GRK4: variants seen among roughly 807,000 people sequenced by gnomAD.
GRK4 encodes the protein G protein-coupled receptor kinase 2-like.
Under a neutral mutation model 77.9 loss-of-function variants are expected in GRK4, and 73 were observed. That is an observed-to-expected ratio of 0.94 (90% CI 0.78 to 1.14). The LOEUF (loss-of-function observed/expected upper bound fraction) is 1.14. GRK4 is among the 50% of genes most tolerant of loss of function. The pLI is 0.00. For missense variants in GRK4, 729 were observed against 700.2 expected (o/e 1.04, Z -0.46); for synonymous variants, 257 against 254.4 (o/e 1.01, Z -0.10).
At chr4:3,012,867 G>A (rs1025932727) in intron 7 of GRK4, among the ~76,000 whole-genome samples, 25 of 152,016 alleles carry the variant, frequency 1.6e-4, no homozygotes, top group African/African-American at 5.3e-4. Flanking sequence ...TAGGCCAGGC[G>A]CGGTGGCTCA....
chr4:3,028,455 C>T (rs962906007), intron 11 of GRK4, among the ~76,000 whole-genome samples: 1 of 152,172 alleles, frequency 6.6e-6, no homozygotes, highest in Non-Finnish European at 1.5e-5. Flanking sequence ...TGGCTTTCCG[C>T]TCTTGCGTCT....
At chr4:2,978,512 G>T (rs1351861519) in intron 1 of GRK4, among the ~76,000 whole-genome samples, 2 of 152,188 alleles carry the variant, frequency 1.3e-5, no homozygotes, top group Non-Finnish European at 2.9e-5. Context: ...GACAGGGAGA[G>T]GTTCACATAA....
intron 2 of GRK4, chr4:2,987,165 C>G (rs754952256): frequency 3.9e-6 from 2 of 517,326 alleles, no homozygotes; most frequent in African/African-American, 3.9e-5. Context: ...CACTTTCTGT[C>G]TATGTCTTTG....
At chr4:3,036,281 T>G (rs1050848915) in intron 13 of GRK4, among the ~76,000 whole-genome samples, 1 of 152,216 alleles carries the variant, frequency 6.6e-6, no homozygotes, top group Admixed American at 6.5e-5. Flanking sequence ...GACCCTGAAG[T>G]GGTCACTGTG....
At chr4:2,964,961 A>G (rs542069103) in intron 1 of GRK4, among the ~76,000 whole-genome samples, 15 of 151,854 alleles carry the variant, frequency 9.9e-5, no homozygotes, top group Non-Finnish European at 2.1e-4. Context: ...AAAAAAGAGG[A>G]CAAATATCTG....
intron 1 of GRK4, chr4:2,966,392 A>G (rs1717710101): frequency 6.6e-6 from 1 of 151,974 alleles, no homozygotes; most frequent in Admixed American, 6.6e-5. Context: ...AGCCTGGGTG[A>G]CAGAGCGAGA....
chr4:3,038,829 C>T (rs750450980), intron 15 of GRK4: 96 of 232,042 alleles, frequency 4.1e-4, no homozygotes, highest in Non-Finnish European at 6.4e-4. Flanking sequence ...GTGGAACCTT[C>T]GTCAGATGGC....
At chr4:3,017,993 A>C (rs896014311) in intron 8 of GRK4, among the ~76,000 whole-genome samples, 1 of 152,180 alleles carries the variant, frequency 6.6e-6, no homozygotes, top group Non-Finnish European at 1.5e-5. Context: ...TAAAGGAAAA[A>C]GTGAAAGGGA....
chr4:3,021,707 A>G (rs1736139077), intron 9 of GRK4, among the ~76,000 whole-genome samples: 3 of 152,190 alleles, frequency 2.0e-5, no homozygotes, highest in Admixed American at 2.0e-4. Context: ...GAACACACCC[A>G]TAGGAGATTT....
rs1231355641 is a variant in GRK4 at position 3,027,993 on chromosome 4, G to A, written c.1052G>A (p.Gly351Asp). 9 of 1,614,092 alleles carry A rather than the reference G, an allele frequency of 5.6e-6. No homozygotes were observed. The highest frequency in any genetic ancestry group is 1.7e-5 in the Admixed American group (1 of 60,016). Residue 351 changes from glycine (G) to aspartate (D), a missense_variant, in exon 11 of 16, where the codon GGC becomes GAC. By Grantham distance (94) the Gly-to-Asp change is moderately conservative. Coordinates refer to ENST00000398052, the MANE Select transcript of GRK4 (RefSeq NM_182982.3). ...GTTCGAGGAAGAGTTGGAACAGTCG[G>A]CTACATGGGTTCGTGAGAGGCTTTC... Reference protein sequence around the residue: ...QRVRGRVGTVGYMAPEVVNNE... With the variant: ...QRVRGRVGTVDYMAPEVVNNE...
intron 4 of GRK4, among the ~76,000 whole-genome samples, chr4:2,998,298 A>G (rs927204178): frequency 9.9e-5 from 15 of 152,114 alleles, no homozygotes; most frequent in African/African-American, 1.9e-4. Context: ...AGGAGGTTGC[A>G]GTGAGCCAAG....
At chr4:3,033,061 T>G (rs1471546202) in intron 12 of GRK4, among the ~76,000 whole-genome samples, 1 of 152,172 alleles carries the variant, frequency 6.6e-6, no homozygotes, top group Non-Finnish European at 1.5e-5. Context: ...GCAGATTTGG[T>G]GTTGGTGAGG....
At chr4:3,006,229 A>G (rs112825857) in intron 5 of GRK4, among the ~76,000 whole-genome samples, 11,508 of 151,514 alleles carry the variant, frequency 0.076, 582 homozygotes, top group Middle Eastern at 0.19. Context: ...AACATACAAA[A>G]TTAGCCAGGC....
At chr4:3,027,599 G>A (rs1485645115) in intron 10 of GRK4, among the ~76,000 whole-genome samples, 1 of 152,072 alleles carries the variant, frequency 6.6e-6, no homozygotes, top group Non-Finnish European at 1.5e-5. Flanking sequence ...TTTTATTGAT[G>A]TACCTGGAAG....
intron 2 of GRK4, chr4:2,985,740 C>A: frequency 6.2e-6 from 2 of 324,016 alleles, no homozygotes; most frequent in South Asian, 2.4e-5. Context: ...GGCTCACGCC[C>A]GTAATCCCAG....
At chr4:3,019,983 C>A in intron 9 of GRK4, 152 bp downstream of exon 9, 1 of 711,130 alleles carries the variant, frequency 1.4e-6, no homozygotes, top group Non-Finnish European at 2.3e-6. Context: ...GTCACTTACA[C>A]TATTGGAAAT....
At chr4:3,008,137 G>T (rs1731858349) in intron 6 of GRK4, among the ~76,000 whole-genome samples, 2 of 152,226 alleles carry the variant, frequency 1.3e-5, no homozygotes, top group African/African-American at 4.8e-5. Context: ...AGTTGTATAT[G>T]ATATTTTTAT....
chr4:2,987,700 G>T (rs1271892241), intron 2 of GRK4, among the ~76,000 whole-genome samples: 1 of 152,116 alleles, frequency 6.6e-6, no homozygotes, highest in Non-Finnish European at 1.5e-5. Context: ...CAGCACTTTG[G>T]GAGGCTGAGG....
intron 1 of GRK4, among the ~76,000 whole-genome samples, chr4:2,979,549 A>C (rs897108868): frequency 1.3e-5 from 2 of 152,290 alleles, no homozygotes; most frequent in East Asian, 1.9e-4. Context: ...CCCTGTCTCT[A>C]CTAAAGATAC....
Sources: allele counts gnomAD v4.1 joint callset (sites outside exome capture counted in the v4.1 genomes callset), GRCh38; gene constraint gnomAD v4.1.1; transcripts MANE v1.5; gene names NCBI Gene and HGNC (gene_info 2026-07-23, HGNC 2026-07-21).